GRID1: variants seen among roughly 807,000 people sequenced by gnomAD.
GRID1 encodes glutamate ionotropic receptor delta type subunit 1.
GRID1 carries 28 observed loss-of-function variants against 98.0 expected under a neutral mutation model. The observed-to-expected ratio is 0.29, with a 90% CI of 0.21 to 0.39. The LOEUF is 0.39. Among genes scored for constraint, GRID1 ranks in the 10% least tolerant of loss-of-function variants. The pLI, the probability that GRID1 is intolerant of heterozygous loss-of-function variation, is 1.00. For missense variants in GRID1, 1,111 were observed against 1,340.5 expected, an observed-to-expected ratio of 0.83 and a Z score of 2.67; for synonymous variants, 553 against 538.5, an observed-to-expected ratio of 1.03 and a Z score of -0.37.
chr10:86,132,858 T>C (rs1180997938), intron 4 of GRID1, among the ~76,000 whole-genome samples: 1 of 152,216 alleles, frequency 6.6e-6, no homozygotes, highest in Non-Finnish European at 1.5e-5. Context: ...CCAGGCACAC[T>C]CCATGCCTGG....
chr10:85,913,149 C>G (rs914377373), intron 5 of GRID1, among the ~76,000 whole-genome samples: 4 of 152,168 alleles, frequency 2.6e-5, no homozygotes, highest in Admixed American at 2.0e-4. Flanking sequence ...AGTCCCTGAG[C>G]TGGCACCAAA....
chr10:85,695,401 A>G (rs1841382124), intron 12 of GRID1, among the ~76,000 whole-genome samples: 1 of 152,202 alleles, frequency 6.6e-6, no homozygotes, highest in South Asian at 2.1e-4. Context: ...GAATTATATA[A>G]TTCTCACTAC....
intron 8 of GRID1, among the ~76,000 whole-genome samples, chr10:85,732,572 G>T (rs1394992427): frequency 6.6e-6 from 1 of 152,108 alleles, no homozygotes; most frequent in Non-Finnish European, 1.5e-5. Context: ...ATCATTCTCT[G>T]CTTCTGGCTC....
At chr10:86,130,364 G>A (rs956628297) in intron 4 of GRID1, among the ~76,000 whole-genome samples, 8 of 152,212 alleles carry the variant, frequency 5.3e-5, no homozygotes, top group African/African-American at 1.9e-4. Flanking sequence ...CCACCCTCAA[G>A]CCTGGAAACT....
At chr10:85,978,344 G>A (rs936554542) in intron 4 of GRID1, among the ~76,000 whole-genome samples, 17 of 152,160 alleles carry the variant, frequency 1.1e-4, no homozygotes, top group African/African-American at 4.1e-4. Flanking sequence ...TTACTTAGAA[G>A]CATTTTCTCC....
At chr10:86,310,606 T>C (rs1847819532) in intron 2 of GRID1, among the ~76,000 whole-genome samples, 3 of 152,156 alleles carry the variant, frequency 2.0e-5, no homozygotes, top group Admixed American at 2.0e-4. Context: ...TATATCTACC[T>C]GGTCTCCAGG....
At chr10:86,014,521 A>G (rs1252401300) in intron 4 of GRID1, among the ~76,000 whole-genome samples, 2 of 152,238 alleles carry the variant, frequency 1.3e-5, no homozygotes, top group African/African-American at 4.8e-5. Context: ...GAAAGTCACC[A>G]GAAGGCTTCT....
At chr10:86,184,489 A>G (rs1845701779) in intron 3 of GRID1, among the ~76,000 whole-genome samples, 1 of 146,514 alleles carries the variant, frequency 6.8e-6, no homozygotes, top group Non-Finnish European at 1.5e-5. Context: ...GCATACAGAA[A>G]GTTAATTGTT....
intron 13 of GRID1, among the ~76,000 whole-genome samples, chr10:85,622,302 G>A (rs1564680217): frequency 6.6e-6 from 1 of 152,234 alleles, no homozygotes; most frequent in Admixed American, 6.5e-5. Flanking sequence ...CAGGAAGGAA[G>A]TCCGGAGGAG....
intron 3 of GRID1, among the ~76,000 whole-genome samples, chr10:86,178,705 G>A (rs1328733244): frequency 1.3e-5 from 2 of 152,128 alleles, no homozygotes; most frequent in Non-Finnish European, 2.9e-5. Flanking sequence ...GCCACCTCCA[G>A]GCCTCCTGGC....
chr10:85,917,714 C>T (rs1841640833), intron 4 of GRID1, among the ~76,000 whole-genome samples: 1 of 152,258 alleles, frequency 6.6e-6, no homozygotes, highest in Non-Finnish European at 1.5e-5. Context: ...CAGGGTGCAT[C>T]TCTCTTGCAC....
At chr10:85,797,997 C>T (rs914255976) in intron 8 of GRID1, among the ~76,000 whole-genome samples, 6 of 152,112 alleles carry the variant, frequency 3.9e-5, no homozygotes, top group East Asian at 1.9e-4. Context: ...ACATATACCA[C>T]GTTTATCCAA....
chr10:86,316,632 T>G (rs907599988), intron 2 of GRID1, among the ~76,000 whole-genome samples: 2 of 152,216 alleles, frequency 1.3e-5, no homozygotes, highest in Non-Finnish European at 2.9e-5. Flanking sequence ...AGCCAGCTCC[T>G]GAGACAGCAA....
chr10:86,164,248 C>T (rs749848052), intron 3 of GRID1, among the ~76,000 whole-genome samples: 14 of 152,162 alleles, frequency 9.2e-5, no homozygotes, highest in South Asian at 6.2e-4. Context: ...TCCAGCCCAG[C>T]GACCTGGAAC....
chr10:86,002,381 A>G (rs192687594), intron 4 of GRID1, among the ~76,000 whole-genome samples: 1 of 152,298 alleles, frequency 6.6e-6, no homozygotes, highest in East Asian at 1.9e-4. Flanking sequence ...AATTGCTTGG[A>G]AAAACAGAGC....
intron 15 of GRID1, among the ~76,000 whole-genome samples, chr10:85,609,589 C>T (rs913603210): frequency 6.6e-6 from 1 of 152,330 alleles, no homozygotes; most frequent in South Asian, 2.1e-4. Flanking sequence ...TGGGTTGGGG[C>T]ATGCAGACAG....
At chr10:85,725,044 G>T (rs1417924601) in intron 10 of GRID1, among the ~76,000 whole-genome samples, 7 of 151,380 alleles carry the variant, frequency 4.6e-5, no homozygotes, top group Admixed American at 3.9e-4. Flanking sequence ...CACCAAGAAG[G>T]CCCTTCTATC....
At chr10:86,263,853 C>G (rs965511862) in intron 2 of GRID1, among the ~76,000 whole-genome samples, 1 of 152,222 alleles carries the variant, frequency 6.6e-6, no homozygotes, top group Non-Finnish European at 1.5e-5. Flanking sequence ...ACCCACTTCA[C>G]TAAGTTAAGA....
intron 4 of GRID1, among the ~76,000 whole-genome samples, chr10:86,008,807 C>T (rs1269280055): frequency 6.6e-6 from 1 of 152,092 alleles, no homozygotes; most frequent in Non-Finnish European, 1.5e-5. Context: ...TAAATTGATA[C>T]AATCAATTTG....
Sources: gnomAD v4.1 joint callset for allele counts (sites outside exome capture counted in the v4.1 genomes callset) on GRCh38, gnomAD v4.1.1 for gene constraint, MANE v1.5 for transcripts, NCBI Gene and HGNC (gene_info 2026-07-23, HGNC 2026-07-21) for gene names.